Variants in SEPTIN6 observed in about 807,000 individuals in gnomAD.
SEPTIN6 encodes septin 6, also known as septin-6.
In SEPTIN6, 8 loss-of-function variants were observed where a neutral mutation model predicts 33.6. The observed-to-expected ratio is 0.24, with a 90% confidence interval of 0.14 to 0.43. SEPTIN6 has a LOEUF of 0.43. Ranked by LOEUF, SEPTIN6 falls within the 20% of genes least tolerant of loss-of-function variation. The pLI is 1.00. For synonymous variants in SEPTIN6, 131 were observed against 140.0 expected (o/e 0.94, Z 0.45); for missense variants, 250 against 340.8 (o/e 0.73, Z 2.10).
intron 5 of SEPTIN6, among the ~76,000 whole-genome samples, chrX:119,648,970 GA>G (rs2054308716): frequency 9.0e-6 from 1 of 111,422 alleles, no homozygotes; most frequent in South Asian, 3.7e-4. Context: ...ACATTGTAAG[GA>G]AGCATTAGGA....
At chrX:119,640,664 G>A in intron 6 of SEPTIN6, 28 bp downstream of exon 6, 1 of 1,105,132 alleles carries the variant, frequency 9.0e-7, no homozygotes, top group African/African-American at 1.8e-5. Context: ...GGCTTCCTGT[G>A]TGTAGCCCTT....
chrX:119,631,182 CTTT>C (rs1045034639), intron 8 of SEPTIN6, among the ~76,000 whole-genome samples: 5 of 94,967 alleles, frequency 5.3e-5, no homozygotes, highest in Admixed American at 1.1e-4. Context: ...TTTTTCTTTT[CTTT>C]TTTTTTTTTT....
chrX:119,681,347 G>C (rs766144209), intron 1 of SEPTIN6, among the ~76,000 whole-genome samples: 1 of 111,453 alleles, frequency 9.0e-6, no homozygotes, highest in African/African-American at 3.3e-5. Context: ...AGATGGAACC[G>C]GCAACTTGGC....
chrX:119,624,524 C>G (rs1187988862), intron 10 of SEPTIN6, among the ~76,000 whole-genome samples: 1 of 110,491 alleles, frequency 9.1e-6, no homozygotes, highest in Non-Finnish European at 1.9e-5. Context: ...GGACTTGAAC[C>G]CCTCAGATAT....
At chrX:119,654,071 A>AAAAC (rs985988168) in intron 3 of SEPTIN6, among the ~76,000 whole-genome samples, 43 of 110,588 alleles carry the variant, frequency 3.9e-4, no homozygotes, top group East Asian at 3.7e-3. Context: ...CCCATCTCCA[A>AAAAC]AAACAAACAA....
At chrX:119,629,193 C>A in intron 9 of SEPTIN6, 125 bp downstream of exon 9, 1 of 631,456 alleles carries the variant, frequency 1.6e-6, no homozygotes, top group Admixed American at 3.1e-5. Context: ...GTACCTCAAC[C>A]AGTCTGACAG....
rs147681258 is a variant in SEPTIN6 at position 119,656,261 on chromosome X, A to G, written c.342-3221T>C. Among the ~76,000 whole-genome samples, 383 of 112,174 alleles carry G rather than the reference A, an allele frequency of 3.4e-3. 2 individuals carry two copies. Among genetic ancestry groups the G allele is most frequent in the African/African-American group, 0.012 (366 of 30,938 alleles). On this transcript the variant is annotated intron_variant, in intron 3 of 10. Transcript: ENST00000394610. ...TTCATTTCGGATAATGATATGTACT[A>G]TGAAGATACTCCAATAGGATAATGG...
chrX:119,676,640 G>GTGCC (rs748978101), intron 1 of SEPTIN6, among the ~76,000 whole-genome samples: 105 of 111,407 alleles, frequency 9.4e-4, no homozygotes, highest in Admixed American at 8.6e-4. Context: ...ATGGTGGCAT[G>GTGCC]TGCCTGTGTA....
chrX:119,674,640 C>T (rs1175010981), intron 2 of SEPTIN6, among the ~76,000 whole-genome samples: 1 of 111,464 alleles, frequency 9.0e-6, no homozygotes, highest in African/African-American at 3.3e-5. Context: ...ATTATGGTGC[C>T]ACTTCTTCTG....
Position 119,688,667 on chromosome X carries a change from A to G in SEPTIN6, c.30+4409T>C. Among the ~76,000 whole-genome samples the G allele has an allele frequency of 3.8e-5, 4 of 105,465 alleles. 2 individuals carry two copies. The Middle Eastern group carries it at 0.019, about 497-fold the overall frequency. The allele number at this position is 105,465 out of a possible 115,157, so 91.6% of individuals were successfully genotyped here. Reference sequence around the variant, plus strand: ...GGTTGCAGTGAGCTGAGATCGCGCCACTGCATTCCAGCCTGGGCGACAGAA... The same window carrying G: ...GGTTGCAGTGAGCTGAGATCGCGCCGCTGCATTCCAGCCTGGGCGACAGAA... On this transcript the variant is annotated intron_variant, in intron 1 of 10. Coordinates refer to ENST00000394610, the MANE Select transcript of SEPTIN6 (RefSeq NM_145799.4).
At position 119,617,474 on chromosome X, in the gene SEPTIN6, G is replaced by A; in HGVS notation, c.*2619C>T. 6.2e-6 allele frequency: 5 copies of A among 804,815 alleles called. No homozygotes were observed. The highest frequency in any genetic ancestry group is 7.5e-6 in the Non-Finnish European group (5 of 670,315). The allele number at this position is 804,815 out of a possible 1,213,427, so 66.3% of individuals were successfully genotyped here. ...ACACAGTCTCCTGGACCCCGTTCCA[G>A]CCTTGCAGCATCACTGGGTCATTGG... On this transcript the variant is annotated 3_prime_UTR_variant, in exon 11 of 11. Coordinates refer to ENST00000394610, the MANE Select transcript of SEPTIN6 (RefSeq NM_145799.4).
chrX:119,618,722 A>G lies in SEPTIN6; in HGVS notation c.*1371T>C, dbSNP rs1224178264. 2 of 1,199,807 alleles carry G rather than the reference A, an allele frequency of 1.7e-6. No homozygotes were observed. Among genetic ancestry groups the G allele is most frequent in the South Asian group, 3.7e-5 (2 of 54,246 alleles). ...CAGTTAAAATAGGAACCTCGGCTTA[A>G]AAGGCTAAATGGAGTCCAGTCCAGC... On this transcript the variant is annotated 3_prime_UTR_variant, in exon 11 of 11. Transcript: ENST00000394610.
intron 6 of SEPTIN6, among the ~76,000 whole-genome samples, chrX:119,640,168 C>CTTTTTTTTTT (rs57021804): frequency 1.1e-3 from 22 of 20,178 alleles, no homozygotes; most frequent in Non-Finnish European, 1.2e-3. Context: ...ACTATCCAGT[C>CTTTTTTTTTT]TTTTTTTTTT....
chrX:119,672,338 G>A (rs1215298334), intron 2 of SEPTIN6, among the ~76,000 whole-genome samples: 1 of 111,706 alleles, frequency 9.0e-6, no homozygotes, highest in African/African-American at 3.3e-5. Flanking sequence ...ATTTATAGCT[G>A]TACAATGTCT....
At chrX:119,659,972 A>G (rs1469167763) in intron 3 of SEPTIN6, among the ~76,000 whole-genome samples, 1 of 112,234 alleles carries the variant, frequency 8.9e-6, no homozygotes, top group Non-Finnish European at 1.9e-5. Flanking sequence ...TTCCGGGTTC[A>G]AGCAATTCTT....
intron 10 of SEPTIN6, 30 bp downstream of exon 10, chrX:119,625,305 C>A (rs2053842194): frequency 1.1e-5 from 12 of 1,096,445 alleles, no homozygotes; most frequent in Admixed American, 4.5e-5. Context: ...GAAGCCACTG[C>A]CAGTTCTATT....
At chrX:119,643,926 C>G (rs2054199298) in intron 5 of SEPTIN6, among the ~76,000 whole-genome samples, 1 of 111,792 alleles carries the variant, frequency 8.9e-6, no homozygotes, top group African/African-American at 3.3e-5. Context: ...CTCTGGCCCT[C>G]TGTTCCACTG....
chrX:119,685,769 C>G (rs145214486), intron 1 of SEPTIN6, among the ~76,000 whole-genome samples: 1 of 111,594 alleles, frequency 9.0e-6, no homozygotes, highest in Admixed American at 9.6e-5. Context: ...GGAACCGAAT[C>G]TGGAAACCCG....
At chrX:119,631,443 G>A (rs1363240751) in intron 8 of SEPTIN6, among the ~76,000 whole-genome samples, 1 of 111,119 alleles carries the variant, frequency 9.0e-6, no homozygotes, top group Non-Finnish European at 1.9e-5. Context: ...GCCTCCCAAA[G>A]TGTTGGGATT....
Sources: gnomAD v4.1 joint callset for allele counts (sites outside exome capture counted in the v4.1 genomes callset) on GRCh38, gnomAD v4.1.1 for gene constraint, MANE v1.5 for transcripts, NCBI Gene and HGNC (gene_info 2026-07-23, HGNC 2026-07-21) for gene names.